Variants in SLC22A3 observed in about 807,000 individuals in gnomAD.
The protein encoded by SLC22A3 is solute carrier family 22 member 3, also known as EMT organic cation transporter 3.
SLC22A3 carries 51 observed loss-of-function variants against 59.1 expected under a neutral mutation model. The observed-to-expected ratio is 0.86, with a 90% CI of 0.69 to 1.09. The LOEUF (loss-of-function observed/expected upper bound fraction) is 1.09. SLC22A3 is among the 50% of genes least tolerant of loss of function. The probability of loss-of-function intolerance (pLI) is 0.00; values close to 1 mark genes in which losing one functional copy is unlikely to be tolerated. For missense variants in SLC22A3, 711 were observed against 726.3 expected (o/e 0.98, Z 0.24); for synonymous variants, 325 against 292.0 (o/e 1.11, Z -1.15).
intron 1 of SLC22A3, among the ~76,000 whole-genome samples, chr6:160,358,849 G>A (rs1414909091): frequency 6.6e-6 from 1 of 152,200 alleles, no homozygotes; most frequent in Non-Finnish European, 1.5e-5. Flanking sequence ...TCTGAGCAGA[G>A]GGACGCTGGG....
At chr6:160,414,411 T>C (rs6919754) in intron 5 of SLC22A3, among the ~76,000 whole-genome samples, 6,351 of 152,260 alleles carry the variant, frequency 0.042, 393 homozygotes, top group African/African-American at 0.13. Flanking sequence ...TTCCAAATAA[T>C]AAATTGGCTC....
intron 5 of SLC22A3, among the ~76,000 whole-genome samples, chr6:160,411,576 A>G (rs1449860185): frequency 1.3e-5 from 2 of 152,046 alleles, no homozygotes. Flanking sequence ...ATCTCTACAA[A>G]TAGAAAGTTT....
At chr6:160,351,017 T>C (rs1386960844) in intron 1 of SLC22A3, among the ~76,000 whole-genome samples, 2 of 152,234 alleles carry the variant, frequency 1.3e-5, no homozygotes, top group African/African-American at 4.8e-5. Context: ...AGAACAATGA[T>C]TAAAAAGTCT....
intron 5 of SLC22A3, chr6:160,426,459 T>A (rs1162629208): frequency 3.3e-6 from 2 of 607,558 alleles, no homozygotes; most frequent in Admixed American, 6.3e-5. Context: ...CCTCCTCTAT[T>A]CCCACTCTTC....
At chr6:160,432,071 T>C (rs1279880190) in intron 5 of SLC22A3, among the ~76,000 whole-genome samples, 1 of 152,194 alleles carries the variant, frequency 6.6e-6, no homozygotes, top group Non-Finnish European at 1.5e-5. Context: ...ATTCATTCCT[T>C]GAAGGAAGAA....
chr6:160,439,388 A>G (rs1267941414), intron 7 of SLC22A3, among the ~76,000 whole-genome samples: 7 of 152,148 alleles, frequency 4.6e-5, no homozygotes, highest in Non-Finnish European at 1.0e-4. Context: ...AGCGAGAAAG[A>G]TGCATGCTTC....
At chr6:160,400,984 G>GAAAAAAAAAAAAAAA (rs58532600) in intron 2 of SLC22A3, among the ~76,000 whole-genome samples, 1 of 78,558 alleles carries the variant, frequency 1.3e-5, no homozygotes, top group African/African-American at 5.4e-5. Context: ...CTCCAAAACT[G>GAAAAAAAAAAAAAAA]AAAAAAAAAA....
intron 5 of SLC22A3, among the ~76,000 whole-genome samples, chr6:160,422,612 C>A (rs1472403271): frequency 6.6e-6 from 1 of 152,018 alleles, no homozygotes; most frequent in Non-Finnish European, 1.5e-5. Context: ...GAATTTGGTG[C>A]TATTTGAGAG....
At chr6:160,442,288 C>G (rs759610163) in intron 7 of SLC22A3, among the ~76,000 whole-genome samples, 8 of 152,196 alleles carry the variant, frequency 5.3e-5, no homozygotes, top group Non-Finnish European at 8.8e-5. Context: ...CCAAGGTCAG[C>G]TCACGTGAGG....
intron 1 of SLC22A3, among the ~76,000 whole-genome samples, chr6:160,395,226 G>T (rs191171276): frequency 6.6e-6 from 1 of 152,172 alleles, no homozygotes; most frequent in Non-Finnish European, 1.5e-5. Context: ...AAGATAATCA[G>T]TATTATATTA....
intron 1 of SLC22A3, among the ~76,000 whole-genome samples, chr6:160,387,097 C>G (rs563985958): frequency 6.6e-6 from 1 of 152,354 alleles, no homozygotes. Flanking sequence ...GGAAGATAGA[C>G]AGCTGACAGG....
intron 1 of SLC22A3, among the ~76,000 whole-genome samples, chr6:160,372,855 T>G (rs1219270179): frequency 6.6e-6 from 1 of 152,206 alleles, no homozygotes; most frequent in East Asian, 1.9e-4. Context: ...ATCAGGTCAT[T>G]TATGTTCTTC....
intron 2 of SLC22A3, among the ~76,000 whole-genome samples, chr6:160,401,339 C>G (rs907597423): frequency 1.3e-5 from 2 of 151,540 alleles, no homozygotes; most frequent in African/African-American, 4.8e-5. Flanking sequence ...AGTAAAAGAG[C>G]AATGATAAAA....
At chr6:160,376,413 C>T (rs771341645) in intron 1 of SLC22A3, among the ~76,000 whole-genome samples, 2 of 152,104 alleles carry the variant, frequency 1.3e-5, no homozygotes, top group South Asian at 2.1e-4. Flanking sequence ...AGCTAATGCT[C>T]GTGGGTCTTA....
At chr6:160,395,631 G>A (rs1263916414) in intron 1 of SLC22A3, among the ~76,000 whole-genome samples, 1 of 152,044 alleles carries the variant, frequency 6.6e-6, no homozygotes, top group Non-Finnish European at 1.5e-5. Context: ...TAAAATTTTT[G>A]TACCTCGAAA....
intron 5 of SLC22A3, among the ~76,000 whole-genome samples, chr6:160,430,711 G>A (rs1263277998): frequency 6.6e-6 from 1 of 152,200 alleles, no homozygotes; most frequent in Non-Finnish European, 1.5e-5. Flanking sequence ...AATAGAGAGT[G>A]TCGATACTAG....
chr6:160,406,675 A>C (rs1450258450), intron 2 of SLC22A3, among the ~76,000 whole-genome samples: 1 of 152,212 alleles, frequency 6.6e-6, no homozygotes, highest in Admixed American at 6.5e-5. Context: ...GATTCAAGGC[A>C]AGGCCTTCTG....
intron 1 of SLC22A3, among the ~76,000 whole-genome samples, chr6:160,386,124 G>A (rs1306584573): frequency 1.3e-5 from 2 of 152,182 alleles, no homozygotes; most frequent in South Asian, 4.1e-4. Context: ...CCTTGAGCAC[G>A]GGCACCTTCT....
chr6:160,434,586 A>G (rs1471421775), intron 5 of SLC22A3, among the ~76,000 whole-genome samples: 2 of 152,250 alleles, frequency 1.3e-5, no homozygotes, highest in Non-Finnish European at 2.9e-5. Flanking sequence ...AACACTAGCC[A>G]TTTTAATGTA....
Sources: gnomAD v4.1 joint callset for allele counts (sites outside exome capture counted in the v4.1 genomes callset) on GRCh38, gnomAD v4.1.1 for gene constraint, MANE v1.5 for transcripts, NCBI Gene and HGNC (gene_info 2026-07-23, HGNC 2026-07-21) for gene names.